Variants in MASTL observed in about 807,000 individuals in gnomAD.
The protein encoded by MASTL is serine/threonine-protein kinase greatwall.
A neutral mutation model predicts 82.5 loss-of-function variants in MASTL; 54 were observed. The ratio of observed to expected loss-of-function variants is 0.65; its 90% CI spans 0.53 to 0.82. MASTL has a LOEUF of 0.82. Ranked by LOEUF, MASTL falls within the 40% of genes least tolerant of loss-of-function variation. MASTL has a pLI of 0.00. For synonymous variants in MASTL, 323 were observed against 368.9 expected (o/e 0.88, Z 1.43); for missense variants, 950 against 1,047.8 (o/e 0.91, Z 1.29).
At chr10:27,158,516 A>C in intron 1 of MASTL, 33 bp from the exon 2 acceptor site, 1 of 1,513,538 alleles carries the variant, frequency 6.6e-7, no homozygotes, top group South Asian at 1.1e-5. Context: ...AAAATAAAAT[A>C]ACATGATATC....
At chr10:27,169,461 T>G (rs2057846724) in intron 7 of MASTL, among the ~76,000 whole-genome samples, 1 of 151,860 alleles carries the variant, frequency 6.6e-6, no homozygotes, top group Non-Finnish European at 1.5e-5. Flanking sequence ...TCCCAGCTAC[T>G]TGGGAGGCTG....
Position 27,170,654 on chromosome 10 carries a change from T to C in MASTL, c.1695T>C (p.Ile565=). Residue 565 remains isoleucine (I), a synonymous_variant, in exon 8 of 12, where the codon ATT becomes ATC. Coordinates refer to ENST00000375940, the MANE Select transcript of MASTL (RefSeq NM_001172303.3). ...CSDDDRASKN[I]SMNSDSSFPG... Reference sequence around the variant, plus strand: ...ATGATGATAGAGCTTCTAAAAATATTTCTATGAACTCTGATTCATCTTTTC... The same window carrying C: ...ATGATGATAGAGCTTCTAAAAATATCTCTATGAACTCTGATTCATCTTTTC... 1 of 1,608,194 alleles carries C rather than the reference T, an allele frequency of 6.2e-7. No individual in the cohort carries two copies. The highest frequency in any genetic ancestry group is 2.2e-5 in the East Asian group (1 of 44,822).
chr10:27,165,326 A>G (rs2057706332), intron 5 of MASTL, 63 bp from the exon 6 acceptor site: 14 of 1,542,198 alleles, frequency 9.1e-6, no homozygotes, highest in Admixed American at 1.7e-5. Flanking sequence ...ATAACAGTCT[A>G]TGTACTTAGG....
intron 6 of MASTL, 78 bp from the exon 7 acceptor site, chr10:27,167,024 A>T: frequency 8.8e-7 from 1 of 1,135,624 alleles, no homozygotes; most frequent in Non-Finnish European, 1.3e-6. Flanking sequence ...ACTTTGCTTA[A>T]TTATATGTAA....
rs747516956 is a variant in MASTL at position 27,161,087 on chromosome 10, T to C, written c.465-7T>C. ...GGTTATCTAATATTTGCCTTTTGTG[T>C]GTGCAGGGACTTGAAACCGGACAAT... On this transcript the variant is annotated splice_polypyrimidine_tract_variant and splice_region_variant and intron_variant, in intron 3 of 11. Transcript: ENST00000375940. The C allele has an allele frequency of 6.3e-7, 1 of 1,593,162 alleles. No individual in the cohort carries two copies. The highest frequency in any genetic ancestry group is 8.6e-7 in the Non-Finnish European group (1 of 1,160,942).
At chr10:27,178,112 C>T (rs897445099) in intron 9 of MASTL, among the ~76,000 whole-genome samples, 4 of 152,150 alleles carry the variant, frequency 2.6e-5, no homozygotes, top group African/African-American at 7.2e-5. Context: ...TTAAAAATGG[C>T]TGGGCACTGT....
Position 27,181,079 on chromosome 10 carries a change from C to T in MASTL, c.2380+13C>T, listed in dbSNP as rs2058263064. On this transcript the variant is annotated intron_variant, in intron 10 of 11. Transcript: ENST00000375940. ...ATTCTGAAAAGAGGTGATTCTTTTT[C>T]TCCTATTAAGATAGTCATTTACTGG... is the stretch of plus-strand genomic sequence containing the variant. 6.6e-7 allele frequency: 1 copy of T among 1,522,994 alleles called. No individual in the cohort carries two copies. The highest frequency in any genetic ancestry group is 1.4e-5 in the African/African-American group (1 of 73,006). 94.3% of individuals were successfully genotyped at this position (1,522,994 alleles called of 1,614,324 possible).
intron 11 of MASTL, among the ~76,000 whole-genome samples, chr10:27,185,168 A>T (rs2058608192): frequency 6.6e-6 from 1 of 152,188 alleles, no homozygotes. Flanking sequence ...GCTTCATGCT[A>T]AAGCTGTCTA....
chr10:27,158,446 G>T, intron 1 of MASTL, 103 bp from the exon 2 acceptor site: 2 of 909,938 alleles, frequency 2.2e-6, no homozygotes, highest in Non-Finnish European at 3.5e-6. Context: ...AATCAAGGCT[G>T]CAATAAGCTT....
At chr10:27,165,265 T>G in intron 5 of MASTL, 95 bp downstream of exon 5, 6 of 1,394,334 alleles carry the variant, frequency 4.3e-6, no homozygotes, top group Non-Finnish European at 6.1e-6. Context: ...CAAAATAGAT[T>G]TAAATATCAA....
In MASTL at chr10:27,165,491, G is replaced by A. The variant is rs2057712653; in HGVS notation, c.763G>A (p.Val255Ile). 3.1e-6 allele frequency: 5 copies of A among 1,614,098 alleles called. No homozygotes were observed. Among genetic ancestry groups the A allele is most frequent in the East Asian group, 2.2e-5 (1 of 44,880 alleles). ...TCAAGGACTCGTATGCCCTATGTCT[G>A]TAGATCAAAAGGACACTACGCCTTA... is the stretch of plus-strand genomic sequence containing the variant. ...LSQGLVCPMS[V>I]DQKDTTPYSS... is the part of the protein sequence containing the mutation. Residue 255 changes from valine to isoleucine, a missense_variant, in exon 6 of 12, where the codon GTA becomes ATA. Val to Ile is a conservative substitution (Grantham distance 29). Transcript: ENST00000375940.
chr10:27,173,202 C>G lies in MASTL; in HGVS notation c.2209C>G (p.Arg737Gly). ...AGGGGTGGCCCCCGTTGATGATGGGCGAATTCTAGGAACCCCAGACTACCT... is the reference window on the plus strand; with the variant it reads ...AGGGGTGGCCCCCGTTGATGATGGGGGAATTCTAGGAACCCCAGACTACCT... Reference protein sequence around the residue: ...RRGVAPVDDGRILGTPDYLAP... With the variant: ...RRGVAPVDDGGILGTPDYLAP... Residue 737 changes from arginine to glycine, a missense_variant, in exon 9 of 12, where the codon CGA becomes GGA. Physicochemically the swap from Arg to Gly is moderately radical, Grantham distance 125. Transcript: ENST00000375940. The G allele has an allele frequency of 6.2e-7, 1 of 1,614,120 alleles. No individual in the cohort carries two copies. The highest frequency in any genetic ancestry group is 8.5e-7 in the Non-Finnish European group (1 of 1,180,014).
chr10:27,171,980 C>T (rs1412344642), intron 8 of MASTL, among the ~76,000 whole-genome samples: 1 of 151,880 alleles, frequency 6.6e-6, no homozygotes, highest in African/African-American at 2.4e-5. Flanking sequence ...AGGCATGTGC[C>T]ACCATGCCCA....
chr10:27,155,309 G>C, upstream of MASTL: 2 of 1,009,234 alleles, frequency 2.0e-6, no homozygotes, highest in Non-Finnish European at 2.8e-6. Flanking sequence ...GGGGCGCGGC[G>C]GCGGGGTGAC....
chr10:27,178,710 G>A (rs1174256863), intron 9 of MASTL, among the ~76,000 whole-genome samples: 1 of 151,152 alleles, frequency 6.6e-6, no homozygotes, highest in Non-Finnish European at 1.5e-5. Flanking sequence ...TTTTGGCTGA[G>A]CTGGTAAAAG....
Position 27,159,560 on chromosome 10 carries a change from T to A in MASTL, c.325-59T>A. 1.6e-6 allele frequency: 2 copies of A among 1,244,002 alleles called. No individual in the cohort carries two copies. Among genetic ancestry groups the A allele is most frequent in the South Asian group, 2.5e-5 (2 of 80,554 alleles). 77.1% of individuals were successfully genotyped at this position (1,244,002 alleles called of 1,614,324 possible). ...TATTGTAACTGTAATGCCCAAATAC[T>A]AGATTTTTAAAGTAATCATATTGTT... On this transcript the variant is annotated intron_variant, in intron 2 of 11. Coordinates refer to ENST00000375940, the MANE Select transcript of MASTL (RefSeq NM_001172303.3). The surrounding 1 kb of genome is among the most constrained non-coding windows in gnomAD (Gnocchi z 4.0).
chr10:27,174,051 G>A (rs931204533), intron 9 of MASTL, among the ~76,000 whole-genome samples: 1 of 151,712 alleles, frequency 6.6e-6, no homozygotes, highest in Non-Finnish European at 1.5e-5. Flanking sequence ...CTTCAAAACA[G>A]AACATAAGTA....
At chr10:27,168,323 A>T (rs780706690) in intron 7 of MASTL, among the ~76,000 whole-genome samples, 1 of 152,158 alleles carries the variant, frequency 6.6e-6, no homozygotes, top group African/African-American at 2.4e-5. Context: ...TGAAGAAAAC[A>T]TATTGTTTAC....
At chr10:27,171,825 CT>C (rs112511530) in intron 8 of MASTL, among the ~76,000 whole-genome samples, 5,683 of 93,240 alleles carry the variant, frequency 0.061, 95 homozygotes, top group African/African-American at 0.13. Flanking sequence ...AAATATGTTT[CT>C]TTTTTTTTTT....
Sources: gnomAD v4.1 joint callset for allele counts (sites outside exome capture counted in the v4.1 genomes callset) on GRCh38, gnomAD v4.1.1 for gene constraint, Gnocchi (gnomAD v3.1) non-coding constraint, MANE v1.5 for transcripts, NCBI Gene and HGNC (gene_info 2026-07-23, HGNC 2026-07-21) for gene names.